PKIB: variants seen among roughly 807,000 people sequenced by gnomAD.
PKIB encodes the protein PKI-beta.
PKIB carries 2 observed loss-of-function variants against 4.5 expected under a neutral mutation model. The ratio of observed to expected loss-of-function variants is 0.44; its 90% CI spans 0.18 to 1.39. PKIB has a LOEUF of 1.39. Among genes scored for constraint, PKIB ranks in the 40% most tolerant of loss-of-function variants. The pLI is 0.27. For missense variants in PKIB, 94 were observed against 92.6 expected (o/e 1.02, Z -0.06); for synonymous variants, 38 against 36.0 (o/e 1.06, Z -0.20).
intron 1 of PKIB, among the ~76,000 whole-genome samples, chr6:122,627,939 A>G (rs922864045): frequency 6.6e-6 from 1 of 152,176 alleles, no homozygotes; most frequent in Non-Finnish European, 1.5e-5. Context: ...TTAACTGTAT[A>G]TCATCTTACA....
At chr6:122,607,152 G>C (rs991274185), upstream of PKIB, among the ~76,000 whole-genome samples, 1 of 151,540 alleles carries the variant, frequency 6.6e-6, no homozygotes, top group African/African-American at 2.4e-5. Flanking sequence ...GGACAGGGGA[G>C]CATTAAACAT....
At chr6:122,707,737 G>A (rs143613418) in intron 3 of PKIB, among the ~76,000 whole-genome samples, 16 of 152,170 alleles carry the variant, frequency 1.1e-4, no homozygotes, top group African/African-American at 3.1e-4. Context: ...ATAATAAAAT[G>A]ATATCAAATA....
chr6:122,471,996 A>C, exon 1 of PKIB: 1 of 819,218 alleles, frequency 1.2e-6, no homozygotes, highest in Non-Finnish European at 1.8e-6. Context: ...CTGGAAACTT[A>C]ACGGCTAATG....
In PKIB at chr6:122,557,824, A is replaced by C. The variant is rs6911722; in HGVS notation, c.-247-28097A>C. Among the ~76,000 whole-genome samples, 494 of 152,266 alleles carry C rather than the reference A, an allele frequency of 3.2e-3. 5 individuals are homozygous for C. The highest frequency in any genetic ancestry group is 0.011 in the African/African-American group (476 of 41,556). On this transcript the variant is annotated intron_variant, in intron 2 of 6. Transcript: ENST00000392491. Reference sequence around the variant, plus strand: ...TTGCTTAGGGAGGATCCTACTCCTTATTTGATCTTCCTACTCTCCCTTTGG... The same window carrying C: ...TTGCTTAGGGAGGATCCTACTCCTTCTTTGATCTTCCTACTCTCCCTTTGG...
At chr6:122,590,104 A>G (rs1174888008) in intron 3 of PKIB, among the ~76,000 whole-genome samples, 1 of 152,186 alleles carries the variant, frequency 6.6e-6, no homozygotes, top group Non-Finnish European at 1.5e-5. Flanking sequence ...AAGTATTCAG[A>G]AATGCCAAAT....
intron 1 of PKIB, among the ~76,000 whole-genome samples, chr6:122,477,116 C>A (rs897494218): frequency 1.3e-5 from 2 of 152,036 alleles, no homozygotes; most frequent in Non-Finnish European, 2.9e-5. Context: ...TATAAAAATT[C>A]TTAATAGAAT....
chr6:122,492,281 G>A (rs567733313), intron 2 of PKIB, among the ~76,000 whole-genome samples: 12 of 152,132 alleles, frequency 7.9e-5, no homozygotes, highest in Admixed American at 2.6e-4. Context: ...CTGGTTGTTC[G>A]TGGGTAGTGT....
At chr6:122,670,307 G>A (rs1183484123) in intron 2 of PKIB, among the ~76,000 whole-genome samples, 1 of 151,966 alleles carries the variant, frequency 6.6e-6, no homozygotes, top group Admixed American at 6.6e-5. Context: ...ATAGAAAGGG[G>A]GAGAGGAGCA....
intron 2 of PKIB, among the ~76,000 whole-genome samples, chr6:122,504,121 G>C (rs1341358544): frequency 6.6e-6 from 1 of 152,050 alleles, no homozygotes; most frequent in Non-Finnish European, 1.5e-5. Context: ...GTTGCCTTTT[G>C]TGGTAGACTT....
At chr6:122,547,079 A>G (rs1329647057) in intron 2 of PKIB, among the ~76,000 whole-genome samples, 1 of 152,078 alleles carries the variant, frequency 6.6e-6, no homozygotes, top group Non-Finnish European at 1.5e-5. Flanking sequence ...GTGTACCTGT[A>G]GGCTATTTTA....
intron 2 of PKIB, among the ~76,000 whole-genome samples, chr6:122,640,759 A>G (rs1217649400): frequency 6.6e-6 from 1 of 152,220 alleles, no homozygotes; most frequent in Non-Finnish European, 1.5e-5. Context: ...CGTTAACTCA[A>G]CGAACTGTGG....
At chr6:122,722,821 A>G (rs1779796453) in intron 4 of PKIB, among the ~76,000 whole-genome samples, 2 of 152,174 alleles carry the variant, frequency 1.3e-5, no homozygotes, top group Admixed American at 1.3e-4. Flanking sequence ...TGACAGAGTT[A>G]TCTGCTTCTG....
At chr6:122,700,098 G>T (rs1397894025) in intron 3 of PKIB, among the ~76,000 whole-genome samples, 5 of 151,956 alleles carry the variant, frequency 3.3e-5, no homozygotes, top group Non-Finnish European at 7.4e-5. Context: ...CTTTATCTTG[G>T]CTATATAAAT....
At chr6:122,518,035 G>T (rs560846723) in intron 2 of PKIB, among the ~76,000 whole-genome samples, 18 of 152,254 alleles carry the variant, frequency 1.2e-4, no homozygotes, top group African/African-American at 4.3e-4. Context: ...TGCTGGCAGT[G>T]AGCTGCACTT....
At chr6:122,474,289 T>C (rs926573878) in intron 1 of PKIB, among the ~76,000 whole-genome samples, 1 of 152,238 alleles carries the variant, frequency 6.6e-6, no homozygotes, top group African/African-American at 2.4e-5. Flanking sequence ...CAGATAAGCT[T>C]GGATGGTACT....
At chr6:122,476,155 G>T (rs577028888) in intron 1 of PKIB, among the ~76,000 whole-genome samples, 24 of 152,220 alleles carry the variant, frequency 1.6e-4, no homozygotes, top group Admixed American at 1.4e-3. Flanking sequence ...AGTAGTTAAA[G>T]GATGAATAAA....
intron 2 of PKIB, among the ~76,000 whole-genome samples, chr6:122,561,988 G>A (rs371282116): frequency 8.2e-5 from 2 of 24,274 alleles, no homozygotes; most frequent in East Asian, 3.4e-3. Flanking sequence ...TTTTTTGTTT[G>A]TTTTTGTTTT....
chr6:122,516,629 ATC>A (rs1554216876), intron 2 of PKIB, among the ~76,000 whole-genome samples: 3 of 152,176 alleles, frequency 2.0e-5, no homozygotes, highest in African/African-American at 7.2e-5. Context: ...TAGCTGTATC[ATC>A]TCTCATTCAG....
chr6:122,606,229 G>A (rs184622838), upstream of PKIB, among the ~76,000 whole-genome samples: 15 of 152,324 alleles, frequency 9.8e-5, no homozygotes, highest in East Asian at 7.7e-4. Context: ...AGAGATTGGA[G>A]TTATGTAGCT....
Sources: gnomAD v4.1 joint callset for allele counts (sites outside exome capture counted in the v4.1 genomes callset) on GRCh38, gnomAD v4.1.1 for gene constraint, MANE v1.5 for transcripts, NCBI Gene and HGNC (gene_info 2026-07-23, HGNC 2026-07-21) for gene names.